The following ARHGAP44 variants were observed in gnomAD, a reference collection of about 807,000 sequenced individuals.
ARHGAP44 encodes Rho GTPase activating protein 44.
Under a neutral mutation model 106.8 loss-of-function variants are expected in ARHGAP44, and 43 were observed. That is an observed-to-expected ratio of 0.40 (90% confidence interval 0.32 to 0.52). ARHGAP44 has a LOEUF of 0.52. Among genes scored for constraint, ARHGAP44 ranks in the 20% least tolerant of loss-of-function variants. The pLI is 0.48. For synonymous variants in ARHGAP44, 439 were observed against 410.3 expected, an observed-to-expected ratio of 1.07 and a Z score of -0.85; for missense variants, 866 against 1,050.5, an observed-to-expected ratio of 0.82 and a Z score of 2.43.
chr17:12,896,272 A>C (rs1335145917), intron 2 of ARHGAP44, 135 bp from the exon 3 acceptor site: 6 of 681,938 alleles, frequency 8.8e-6, no homozygotes, highest in Non-Finnish European at 1.4e-5. Context: ...AAAAACAAAC[A>C]AACAAAAAAA....
intron 1 of ARHGAP44, among the ~76,000 whole-genome samples, chr17:12,808,106 G>C (rs532618181): frequency 1.5e-4 from 23 of 152,316 alleles, no homozygotes; most frequent in Non-Finnish European, 2.9e-4. Context: ...ACATTCAGGG[G>C]ACACTGATGC....
Position 12,829,384 on chromosome 17 carries a change from T to G in ARHGAP44, c.53+39493T>G, listed in dbSNP as rs139529306. On this transcript the variant is annotated intron_variant, in intron 1 of 20. Coordinates refer to ENST00000379672, the MANE Select transcript of ARHGAP44 (RefSeq NM_014859.6). ...AAACCCTTTCTGATGCCCTGGGCCTTCAGCAGCCCTCCTATTTTTGGCTTC... is the reference window on the plus strand; with the variant it reads ...AAACCCTTTCTGATGCCCTGGGCCTGCAGCAGCCCTCCTATTTTTGGCTTC... Among the ~76,000 whole-genome samples the G allele has an allele frequency of 8.8e-4, 134 of 152,258 alleles. No homozygotes were observed. In the Middle Eastern group the frequency reaches 0.014, roughly 15 times the overall value.
intron 1 of ARHGAP44, among the ~76,000 whole-genome samples, chr17:12,881,051 G>A (rs9913399): frequency 0.74 from 111,859 of 151,884 alleles, 41,510 homozygotes; most frequent in East Asian, 0.98. Context: ...AAAAAGTGCT[G>A]ATCTTTAGCT....
At chr17:12,903,134 A>AGTGTGTGT (rs2037439416) in intron 3 of ARHGAP44, among the ~76,000 whole-genome samples, 3 of 127,258 alleles carry the variant, frequency 2.4e-5, no homozygotes, top group Admixed American at 8.2e-5. Flanking sequence ...GAGGAGAGAG[A>AGTGTGTGT]GAGAGAGTGT....
intron 1 of ARHGAP44, among the ~76,000 whole-genome samples, chr17:12,826,422 T>C (rs2150804918): frequency 6.6e-6 from 1 of 152,364 alleles, no homozygotes; most frequent in South Asian, 2.1e-4. Flanking sequence ...TTGGCTCTTT[T>C]CTTACATTCC....
intron 1 of ARHGAP44, among the ~76,000 whole-genome samples, chr17:12,892,452 C>T (rs1381555861): frequency 6.8e-6 from 1 of 147,958 alleles, no homozygotes; most frequent in East Asian, 1.9e-4. Context: ...GTTTGTTCAG[C>T]TTTTTAAATA....
At chr17:12,923,352 G>A (rs2038140140) in intron 6 of ARHGAP44, among the ~76,000 whole-genome samples, 1 of 152,024 alleles carries the variant, frequency 6.6e-6, no homozygotes, top group Non-Finnish European at 1.5e-5. Flanking sequence ...CTGGGATTAT[G>A]GGCGCCACCA....
At chr17:12,855,330 T>G (rs1192365675) in intron 1 of ARHGAP44, among the ~76,000 whole-genome samples, 1 of 152,190 alleles carries the variant, frequency 6.6e-6, no homozygotes, top group Non-Finnish European at 1.5e-5. Flanking sequence ...AAGTTGCAAA[T>G]ATTTTCTTCC....
intron 1 of ARHGAP44, among the ~76,000 whole-genome samples, chr17:12,830,288 G>C (rs1225605280): frequency 1.3e-5 from 2 of 152,000 alleles, no homozygotes; most frequent in Non-Finnish European, 2.9e-5. Flanking sequence ...GGTACTTTTG[G>C]ATAATTTTTG....
In ARHGAP44 at chr17:12,977,399, C is replaced by T. The variant is rs577563005; in HGVS notation, c.1764-2659C>T. On this transcript the variant is annotated intron_variant, in intron 18 of 20. Transcript: ENST00000379672. ...GCTCCCCCTCCCCTGATGGCAGGCC[C>T]TTCCTTGCCTCTGACTGGTTCCCAC... 4.6e-5 allele frequency among the ~76,000 whole-genome samples: 7 copies of T among 152,244 alleles called. No homozygotes were observed. The East Asian group carries it at 1.2e-3, about 25-fold the overall frequency.
intron 6 of ARHGAP44, among the ~76,000 whole-genome samples, chr17:12,925,711 G>A (rs547896263): frequency 4.6e-5 from 7 of 152,300 alleles, no homozygotes; most frequent in African/African-American, 1.4e-4. Context: ...AGCTACTTTA[G>A]TGAGAAGAAA....
Position 12,897,261 on chromosome 17 carries a change from AT to A in ARHGAP44, c.198+760del, listed in dbSNP as rs10648314. ...TCTACATGATTGGTATCATTTAGACATTTTTTTTTTGACTTGCAGTTATTGC... is the reference window on the plus strand; with the variant it reads ...TCTACATGATTGGTATCATTTAGACATTTTTTTTTGACTTGCAGTTATTGC... On this transcript the variant is annotated intron_variant, in intron 3 of 20. Transcript: ENST00000379672. 2.5e-4 allele frequency among the ~76,000 whole-genome samples: 38 copies of A among 149,932 alleles called. No homozygotes were observed. The South Asian group carries it at 5.4e-3, about 21-fold the overall frequency.
chr17:12,825,949 AT>A (rs1689516972), intron 1 of ARHGAP44, among the ~76,000 whole-genome samples: 1 of 152,204 alleles, frequency 6.6e-6, no homozygotes, highest in Non-Finnish European at 1.5e-5. Flanking sequence ...AGTGTTGTAC[AT>A]TTCATGGCTA....
At chr17:12,926,534 CAT>C (rs1284835261) in intron 6 of ARHGAP44, among the ~76,000 whole-genome samples, 1 of 142,196 alleles carries the variant, frequency 7.0e-6, no homozygotes, top group African/African-American at 2.6e-5. Context: ...ATTATACATA[CAT>C]ATATATTATA....
chr17:12,825,209 G>A (rs2034883609), intron 1 of ARHGAP44, among the ~76,000 whole-genome samples: 8 of 151,762 alleles, frequency 5.3e-5, no homozygotes, highest in Admixed American at 5.3e-4. Flanking sequence ...GCTAAATTTT[G>A]TATTATTTTG....
At position 12,990,350 on chromosome 17, in the gene ARHGAP44, T is replaced by C. The variant is rs1598177586; in HGVS notation, c.*179T>C. On this transcript the variant is annotated 3_prime_UTR_variant, in exon 21 of 21. Coordinates refer to ENST00000379672, the MANE Select transcript of ARHGAP44 (RefSeq NM_014859.6). ...CCAGTCCGTGTGGTGATGCTGGTGG[T>C]GCAGGTTTTGTTTGTTCCTTTCGGG... 2 of 788,070 alleles carry C rather than the reference T, an allele frequency of 2.5e-6. No homozygotes were observed. Among genetic ancestry groups the C allele is most frequent in the East Asian group, 2.8e-5 (1 of 36,238 alleles). The allele number at this position is 788,070 out of a possible 1,614,324, so 48.8% of individuals were successfully genotyped here.
At chr17:12,977,042 G>T (rs2039701158) in intron 18 of ARHGAP44, among the ~76,000 whole-genome samples, 1 of 151,866 alleles carries the variant, frequency 6.6e-6, no homozygotes, top group South Asian at 2.1e-4. Context: ...ATTCCCCCAG[G>T]CTCTGAAGGC....
chr17:12,969,822 A>C (rs1365655301), intron 16 of ARHGAP44, among the ~76,000 whole-genome samples: 1 of 152,172 alleles, frequency 6.6e-6, no homozygotes. Flanking sequence ...TAATTGATAA[A>C]CTATCTTCAT....
chr17:12,964,151 T>C (rs2039334509), intron 16 of ARHGAP44, among the ~76,000 whole-genome samples: 1 of 152,240 alleles, frequency 6.6e-6, no homozygotes, highest in Non-Finnish European at 1.5e-5. Flanking sequence ...TTAGTGTCTT[T>C]TTTGTTTGGG....
Sources: gnomAD v4.1 joint callset for allele counts (sites outside exome capture counted in the v4.1 genomes callset) on GRCh38, gnomAD v4.1.1 for gene constraint, MANE v1.5 for transcripts, NCBI Gene and HGNC (gene_info 2026-07-23, HGNC 2026-07-21) for gene names.